Variants in GDPD5 observed in about 807,000 individuals in gnomAD.
GDPD5 encodes glycerophosphodiester phosphodiesterase 2.
GDPD5 carries 48 observed loss-of-function variants against 75.1 expected under a neutral mutation model. The observed-to-expected ratio is 0.64, with a 90% CI of 0.51 to 0.81. The LOEUF (loss-of-function observed/expected upper bound fraction) is 0.81. Ranked by LOEUF, GDPD5 falls within the 40% of genes least tolerant of loss-of-function variation. The probability of loss-of-function intolerance (pLI) is 0.00; values close to 1 mark genes in which losing one functional copy is unlikely to be tolerated. For synonymous variants in GDPD5, 336 were observed against 339.0 expected (o/e 0.99, Z 0.10); for missense variants, 706 against 822.6 (o/e 0.86, Z 1.73).
rs1249724936 is a variant in GDPD5 at position 75,449,539 on chromosome 11, C to A, written c.546G>T (p.Gln182His). Residue 182 changes from glutamine (Q) to histidine (H), a missense_variant, in exon 8 of 17, where the codon CAG becomes CAT. Gln to His is a conservative substitution (Grantham distance 24, BLOSUM62 0). Transcript: ENST00000336898. ...VTMLSWIVAG[Q>H]FARAERTSSQ... is the part of the protein sequence containing the mutation. ...CACAGGTCCGCTCTGCGCGGGCGAA[C>A]TGTCCTGCCACGATCCAGGAGAGCA... 1.3e-6 allele frequency: 2 copies of A among 1,582,114 alleles called. No homozygotes were observed. The highest frequency in any genetic ancestry group is 8.6e-7 in the Non-Finnish European group (1 of 1,164,654).
intron 2 of GDPD5, among the ~76,000 whole-genome samples, chr11:75,480,740 CT>C (rs774568512): frequency 3.9e-5 from 6 of 152,198 alleles, no homozygotes; most frequent in Non-Finnish European, 4.4e-5. Context: ...CCTGCCAAAT[CT>C]GATCTGCCAC....
intron 4 of GDPD5, among the ~76,000 whole-genome samples, chr11:75,458,192 C>T (rs1949333666): frequency 6.6e-6 from 1 of 152,222 alleles, no homozygotes. Flanking sequence ...CCCCTCTCGT[C>T]TCTGCTTTTC....
intron 8 of GDPD5, 71 bp downstream of exon 8, chr11:75,449,446 G>A: frequency 7.0e-7 from 1 of 1,433,790 alleles, no homozygotes; most frequent in South Asian, 1.2e-5. Flanking sequence ...GAAAGCCCAG[G>A]TCGGGGCAGC....
chr11:75,460,419 C>T (rs1196938638), intron 4 of GDPD5, among the ~76,000 whole-genome samples: 2 of 152,016 alleles, frequency 1.3e-5, no homozygotes, highest in Non-Finnish European at 2.9e-5. Context: ...GCTTTGAGCC[C>T]TCTTATGTTC....
intron 10 of GDPD5, 28 bp downstream of exon 10, chr11:75,444,385 G>A (rs757019415): frequency 6.5e-7 from 1 of 1,545,438 alleles, no homozygotes; most frequent in Non-Finnish European, 8.9e-7. Context: ...GAGGGGTAGA[G>A]GAACTATCTC....
chr11:75,444,691 T>C (rs892720205), intron 9 of GDPD5, among the ~76,000 whole-genome samples, 196 bp from the exon 10 acceptor site: 2 of 152,200 alleles, frequency 1.3e-5, no homozygotes, highest in Non-Finnish European at 2.9e-5. Context: ...AAATCATGCC[T>C]ACCTCATTGG....
chr11:75,483,793 C>T (rs2135394614), intron 2 of GDPD5, among the ~76,000 whole-genome samples: 1 of 152,348 alleles, frequency 6.6e-6, no homozygotes, highest in South Asian at 2.1e-4. Context: ...TGGGCAAATA[C>T]TGAGACAGAA....
chr11:75,449,729 G>T, intron 7 of GDPD5, 119 bp from the exon 8 acceptor site: 3 of 1,273,774 alleles, frequency 2.4e-6, no homozygotes, highest in East Asian at 2.4e-5. Flanking sequence ...GCCAACTGGG[G>T]ACACTGGGAG....
At chr11:75,456,932 C>CGGTT (rs1435076932) in intron 5 of GDPD5, 116 bp from the exon 6 acceptor site, 4 of 973,698 alleles carry the variant, frequency 4.1e-6, no homozygotes, top group South Asian at 1.4e-5. Context: ...GCAGAGGCAG[C>CGGTT]GAACCTCCCT....
chr11:75,480,495 C>T (rs1183143797), intron 2 of GDPD5, among the ~76,000 whole-genome samples: 2 of 152,168 alleles, frequency 1.3e-5, no homozygotes, highest in Non-Finnish European at 2.9e-5. Context: ...CGGGTATGTG[C>T]TGCCACACCT....
chr11:75,441,619 T>C (rs1224471566), intron 13 of GDPD5, 27 bp downstream of exon 13: 1 of 1,534,832 alleles, frequency 6.5e-7, no homozygotes, highest in Non-Finnish European at 8.8e-7. Flanking sequence ...CACCCTCTCC[T>C]GGAGGAGCCC....
chr11:75,460,869 AG>A (rs971815623), intron 4 of GDPD5, among the ~76,000 whole-genome samples: 1 of 151,860 alleles, frequency 6.6e-6, no homozygotes, highest in African/African-American at 2.4e-5. Flanking sequence ...AGTGCCAGGC[AG>A]GCCTCCCCTT....
Position 75,449,522 on chromosome 11 carries a change from C to G in GDPD5, c.563G>C (p.Arg188Pro), listed in dbSNP as rs547429871. ...CCCTTCACAGTTCTACTCACAGGTCCGCTCTGCGCGGGCGAACTGTCCTGC... is the reference window on the plus strand; with the variant it reads ...CCCTTCACAGTTCTACTCACAGGTCGGCTCTGCGCGGGCGAACTGTCCTGC... ...IVAGQFARAE[R>P]TSSQVTILCT... Residue 188 changes from arginine to proline, a missense_variant, in exon 8 of 17, where the codon CGG (arginine) becomes CCG (proline). By Grantham distance (103) the Arg-to-Pro change is moderately radical. Coordinates refer to ENST00000336898, the MANE Select transcript of GDPD5 (RefSeq NM_030792.8). The G allele has an allele frequency of 3.2e-6, 5 of 1,571,128 alleles. No homozygotes were observed. Among genetic ancestry groups the G allele is most frequent in the Non-Finnish European group, 4.3e-6 (5 of 1,158,178 alleles).
intron 14 of GDPD5, among the ~76,000 whole-genome samples, chr11:75,440,660 A>G (rs983513343): frequency 2.0e-4 from 31 of 152,214 alleles, no homozygotes; most frequent in Admixed American, 2.0e-3. Context: ...GGCTCAAGCA[A>G]TCCTCCCACT....
intron 1 of GDPD5, among the ~76,000 whole-genome samples, chr11:75,510,802 G>A (rs79033534): frequency 6.7e-6 from 1 of 149,736 alleles, no homozygotes; most frequent in African/African-American, 2.5e-5. Flanking sequence ...GACCTCCCTT[G>A]CAACATCTGT....
intron 3 of GDPD5, among the ~76,000 whole-genome samples, chr11:75,475,007 T>A (rs1009614212): frequency 1.3e-5 from 2 of 152,240 alleles, no homozygotes; most frequent in Non-Finnish European, 2.9e-5. Context: ...GATTTCTCCA[T>A]CTGTAAAATG....
chr11:75,454,687 CG>C (rs1949246413), intron 6 of GDPD5, among the ~76,000 whole-genome samples: 1 of 151,942 alleles, frequency 6.6e-6, no homozygotes, highest in Admixed American at 6.6e-5. Context: ...TGTTAAGGTG[CG>C]GAACAGAGGG....
Position 75,442,593 on chromosome 11 carries a change from A to G in GDPD5, c.949-12T>C. On this transcript the variant is annotated splice_polypyrimidine_tract_variant and intron_variant, in intron 11 of 16. Transcript: ENST00000336898. Reference sequence around the variant, plus strand: ...CAGAAGGGGTCAGTCTGGCAGGGACAGGGACACACACATGGCTGCATCATC... The same window carrying G: ...CAGAAGGGGTCAGTCTGGCAGGGACGGGGACACACACATGGCTGCATCATC... 6.2e-7 allele frequency: 1 copy of G among 1,612,838 alleles called. No individual in the cohort carries two copies. Among genetic ancestry groups the G allele is most frequent in the Non-Finnish European group, 8.5e-7 (1 of 1,179,110 alleles).
intron 1 of GDPD5, among the ~76,000 whole-genome samples, chr11:75,496,717 T>C (rs1290444448): frequency 2.0e-5 from 3 of 152,068 alleles, no homozygotes; most frequent in Admixed American, 6.5e-5. Flanking sequence ...CTATGTACGC[T>C]ATCTGACGCC....
Sources: allele counts gnomAD v4.1 joint callset (sites outside exome capture counted in the v4.1 genomes callset), GRCh38; gene constraint gnomAD v4.1.1; transcripts MANE v1.5; gene names NCBI Gene and HGNC (gene_info 2026-07-23, HGNC 2026-07-21).